The following UBE2E2 variants were observed in gnomAD, a reference collection of about 807,000 sequenced individuals.
UBE2E2 encodes the protein ubiquitin conjugating enzyme E2 E2.
Under a neutral mutation model 24.7 loss-of-function variants are expected in UBE2E2, and 6 were observed. The ratio of observed to expected loss-of-function variants is 0.24; its 90% CI spans 0.13 to 0.48. The LOEUF (loss-of-function observed/expected upper bound fraction) is 0.48, where lower values mean the gene tolerates loss of function less well. Among genes scored for constraint, UBE2E2 ranks in the 20% least tolerant of loss-of-function variants. The pLI, the probability that UBE2E2 is intolerant of heterozygous loss-of-function variation, is 0.99. For synonymous variants in UBE2E2, 104 were observed against 83.6 expected, an observed-to-expected ratio of 1.24 and a Z score of -1.33; for missense variants, 169 against 245.0, an observed-to-expected ratio of 0.69 and a Z score of 2.07.
chr3:23,358,334 G>C (rs1165770815), intron 3 of UBE2E2, among the ~76,000 whole-genome samples: 2 of 152,142 alleles, frequency 1.3e-5, no homozygotes, highest in East Asian at 1.9e-4. Context: ...AAATAACTTT[G>C]TGTATGATGG....
At chr3:23,448,253 C>G (rs1045826734) in intron 3 of UBE2E2, among the ~76,000 whole-genome samples, 2 of 152,120 alleles carry the variant, frequency 1.3e-5, no homozygotes, top group Non-Finnish European at 2.9e-5. Context: ...CAGTTCCACC[C>G]CTAGGAACTT....
At chr3:23,263,151 T>A (rs1485433709) in intron 3 of UBE2E2, among the ~76,000 whole-genome samples, 2 of 152,200 alleles carry the variant, frequency 1.3e-5, no homozygotes, top group Non-Finnish European at 2.9e-5. Context: ...ATATTAACTC[T>A]GTACTTAACA....
intron 3 of UBE2E2, among the ~76,000 whole-genome samples, chr3:23,338,287 T>C (rs1484876936): frequency 3.3e-5 from 5 of 152,162 alleles, no homozygotes; most frequent in African/African-American, 1.2e-4. Context: ...ATTAAGCAAC[T>C]AAATATGTGG....
chr3:23,556,220 C>T (rs1237897109), intron 5 of UBE2E2, among the ~76,000 whole-genome samples: 2 of 142,054 alleles, frequency 1.4e-5, no homozygotes, highest in Admixed American at 7.3e-5. Flanking sequence ...TCTCAGCTCA[C>T]TGCAACCTCC....
chr3:23,554,674 C>A (rs1408632433), intron 5 of UBE2E2, among the ~76,000 whole-genome samples: 1 of 152,160 alleles, frequency 6.6e-6, no homozygotes, highest in Admixed American at 6.5e-5. Context: ...GCAATGATTT[C>A]TTGAACATCA....
chr3:23,340,087 A>G (rs1473910790), intron 3 of UBE2E2, among the ~76,000 whole-genome samples: 1 of 152,196 alleles, frequency 6.6e-6, no homozygotes, highest in East Asian at 1.9e-4. Context: ...GCCAGGACCT[A>G]CGTAGTTAAC....
intron 3 of UBE2E2, among the ~76,000 whole-genome samples, chr3:23,404,162 A>G (rs972689663): frequency 6.6e-6 from 1 of 152,172 alleles, no homozygotes; most frequent in Non-Finnish European, 1.5e-5. Context: ...ACATATGTAC[A>G]CATTCATAGT....
At chr3:23,366,722 A>G (rs899298736) in intron 3 of UBE2E2, among the ~76,000 whole-genome samples, 6 of 152,088 alleles carry the variant, frequency 3.9e-5, no homozygotes, top group African/African-American at 9.7e-5. Flanking sequence ...GTGACATGCA[A>G]TTTACCTGTA....
intron 3 of UBE2E2, among the ~76,000 whole-genome samples, chr3:23,248,970 T>C (rs1349813374): frequency 1.3e-5 from 2 of 152,226 alleles, no homozygotes; most frequent in Non-Finnish European, 2.9e-5. Flanking sequence ...CTTTTGCAAC[T>C]ACCTTAGGAC....
chr3:23,581,753 T>G (rs924193978), intron 5 of UBE2E2, among the ~76,000 whole-genome samples: 2 of 152,186 alleles, frequency 1.3e-5, no homozygotes, highest in Admixed American at 6.5e-5. Context: ...ATAAAAAAAT[T>G]TTTCGTGTAA....
rs1699080165 is a variant in UBE2E2, at chr3:23,474,106, T to G, written c.228-25502T>G. 6.6e-6 allele frequency among the ~76,000 whole-genome samples: 1 copy of G among 152,050 alleles called. No homozygotes were observed. Among genetic ancestry groups the G allele is most frequent in the South Asian group, 2.1e-4 (1 of 4,832 alleles). ...TTTGCGGGAGTAAGATGGTATCGCA[T>G]TGTGGTTTTGATTTGCATTTCCCTG... On this transcript the variant is annotated intron_variant, in intron 3 of 5. Coordinates refer to ENST00000396703, the MANE Select transcript of UBE2E2 (RefSeq NM_152653.4). The surrounding 1 kb of genome is among the most constrained non-coding windows in gnomAD (Gnocchi z 4.0).
At chr3:23,588,816 T>G (rs752605064) in intron 5 of UBE2E2, among the ~76,000 whole-genome samples, 5 of 152,120 alleles carry the variant, frequency 3.3e-5, no homozygotes, top group African/African-American at 7.2e-5. Flanking sequence ...CATATTAGAG[T>G]TTTAGGACAT....
intron 3 of UBE2E2, among the ~76,000 whole-genome samples, chr3:23,251,567 A>G (rs1029447903): frequency 1.3e-5 from 2 of 152,194 alleles, no homozygotes; most frequent in African/African-American, 4.8e-5. Context: ...TGTACCTACT[A>G]TGTTTGTTTT....
At chr3:23,293,641 T>C (rs991393254) in intron 3 of UBE2E2, among the ~76,000 whole-genome samples, 1 of 152,222 alleles carries the variant, frequency 6.6e-6, no homozygotes, top group Admixed American at 6.5e-5. Flanking sequence ...AGAAAAAGAT[T>C]GAATGAGCTA....
intron 3 of UBE2E2, among the ~76,000 whole-genome samples, chr3:23,481,323 C>A (rs1699255536): frequency 6.6e-6 from 1 of 152,190 alleles, no homozygotes; most frequent in Non-Finnish European, 1.5e-5. Context: ...CAAGTAGTAG[C>A]AATTTTTCTG....
chr3:23,513,844 A>G (rs1358956463), intron 4 of UBE2E2, among the ~76,000 whole-genome samples: 1 of 152,198 alleles, frequency 6.6e-6, no homozygotes, highest in Non-Finnish European at 1.5e-5. Flanking sequence ...TTTTATTGAA[A>G]GTAAGTGTAC....
At chr3:23,573,034 A>G (rs969549109) in intron 5 of UBE2E2, among the ~76,000 whole-genome samples, 1 of 145,988 alleles carries the variant, frequency 6.8e-6, no homozygotes, top group African/African-American at 2.8e-5. Flanking sequence ...AGGGTTCTCA[A>G]AAAAAAATTA....
At chr3:23,287,058 C>T (rs1243161212) in intron 3 of UBE2E2, among the ~76,000 whole-genome samples, 1 of 152,108 alleles carries the variant, frequency 6.6e-6, no homozygotes, top group Non-Finnish European at 1.5e-5. Context: ...ATGATACTAA[C>T]TGTGGGTCTG....
chr3:23,227,577 A>G (rs1221388068), intron 3 of UBE2E2, among the ~76,000 whole-genome samples: 1 of 152,210 alleles, frequency 6.6e-6, no homozygotes, highest in Non-Finnish European at 1.5e-5. Context: ...TAAAACAGGT[A>G]ATTGAGGAAT....
Sources: allele counts gnomAD v4.1 joint callset (sites outside exome capture counted in the v4.1 genomes callset), GRCh38; gene constraint gnomAD v4.1.1; non-coding constraint Gnocchi (gnomAD v3.1); transcripts MANE v1.5; gene names NCBI Gene and HGNC (gene_info 2026-07-23, HGNC 2026-07-21).